SLC4A3: variants seen among roughly 807,000 people sequenced by gnomAD.
SLC4A3 encodes solute carrier family 4 member 3.
SLC4A3 carries 47 observed loss-of-function variants against 114.2 expected under a neutral mutation model. The ratio of observed to expected loss-of-function variants is 0.41; its 90% CI spans 0.33 to 0.52. The LOEUF is 0.52. Ranked by LOEUF, SLC4A3 falls within the 20% of genes least tolerant of loss-of-function variation. The pLI, the probability that SLC4A3 is intolerant of heterozygous loss-of-function variation, is 0.21. For synonymous variants in SLC4A3, 693 were observed against 710.3 expected (o/e 0.98, Z 0.39); for missense variants, 1,312 against 1,668.3 (o/e 0.79, Z 3.72).
At position 219,629,601 on chromosome 2, in the gene SLC4A3, G is replaced by C; in HGVS notation, c.517G>C (p.Asp173His). The change falls in exon 5 of 23, where the codon GAT (aspartate) becomes CAT (histidine). Residue 173 changes from aspartate (D) to histidine (H), a missense_variant. Transcript: ENST00000358055. ...GCAGTTCTCCATTGGAAGTGACGAG[G>C]ATGACAGTCCAGGCCTCCCTGGGAG... ...KAKFSIGSDE[D>H]DSPGLPGRAA... is the part of the protein sequence containing the mutation. The C allele has an allele frequency of 6.2e-7, 1 of 1,613,180 alleles. No individual in the cohort carries two copies. The highest frequency in any genetic ancestry group is 8.5e-7 in the Non-Finnish European group (1 of 1,179,622).
chr2:219,629,660 C>G lies in SLC4A3; in HGVS notation c.576C>G (p.Gly192=), dbSNP rs371833542. 1 of 1,612,882 alleles carries G rather than the reference C, an allele frequency of 6.2e-7. No individual in the cohort carries two copies. The highest frequency in any genetic ancestry group is 8.5e-7 in the Non-Finnish European group (1 of 1,179,542). Residue 192 remains glycine (G), a synonymous_variant, in exon 5 of 23, where the codon GGC becomes GGG. Transcript: ENST00000358055. Reference sequence around the variant, plus strand: ...TCACCAAGCCCCTGCCCTCGGTGGGCCCACACACTGACAAGAGCCCCCAGC... The same window carrying G: ...TCACCAAGCCCCTGCCCTCGGTGGGGCCACACACTGACAAGAGCCCCCAGC... ...AAVTKPLPSV[G]PHTDKSPQHS...
rs372408680 is a variant in SLC4A3, at chr2:219,630,390, C to T, written c.811+38C>T. 15 of 1,557,748 alleles carry T rather than the reference C, an allele frequency of 9.6e-6. No homozygotes were observed. Among genetic ancestry groups the T allele is most frequent in the East Asian group, 6.8e-5 (3 of 44,206 alleles). On this transcript the variant is annotated intron_variant, in intron 6 of 22. Coordinates refer to ENST00000358055, the MANE Select transcript of SLC4A3 (RefSeq NM_005070.4). This position sits in a 1 kb window ranked among gnomAD's most constrained non-coding sequence, Gnocchi z 6.9. ...TTGTGGCAGCCCCCATGGTCCACTG[C>T]GACGGACTCCCAGCCTGCGAGTGAC...
Position 219,628,527 on chromosome 2 carries a change from C to T in SLC4A3, c.174C>T (p.Asp58=). 1.2e-6 allele frequency: 2 copies of T among 1,613,506 alleles called. No individual in the cohort carries two copies. Reference sequence around the variant, plus strand: ...TCATCAGCAAGCCCCCGGCCTGGGACCCCGAGAAGCCCAGCCGCAGCTACA... The same window carrying T: ...TCATCAGCAAGCCCCCGGCCTGGGATCCCGAGAAGCCCAGCCGCAGCTACA... The part of the protein sequence containing the change: ...GDLISKPPAW[D]PEKPSRSYSE... Residue 58 remains aspartate, a synonymous_variant, in exon 3 of 23, where the codon GAC becomes GAT. Coordinates refer to ENST00000358055, the MANE Select transcript of SLC4A3 (RefSeq NM_005070.4). The surrounding 1 kb of genome is among the most constrained non-coding windows in gnomAD (Gnocchi z 4.8).
At position 219,631,879 on chromosome 2, in the gene SLC4A3, A is replaced by G; in HGVS notation, c.812-89A>G. ...CCTGTTGGTGACTGTAGAGCTCACC[A>G]AGTAGATGGGTTGGGCAGAAGGAGC... On this transcript the variant is annotated intron_variant, in intron 6 of 22. Coordinates refer to ENST00000358055, the MANE Select transcript of SLC4A3 (RefSeq NM_005070.4). The surrounding 1 kb of genome is among the most constrained non-coding windows in gnomAD (Gnocchi z 6.3). 4 of 1,422,416 alleles carry G rather than the reference A, an allele frequency of 2.8e-6. No individual in the cohort carries two copies. The highest frequency in any genetic ancestry group is 3.8e-6 in the Non-Finnish European group (4 of 1,049,296). The allele number at this position is 1,422,416 out of a possible 1,614,324, so 88.1% of individuals were successfully genotyped here.
In SLC4A3 at chr2:219,641,964, G is replaced by A. The variant is rs1395691487; in HGVS notation, c.*236G>A. The A allele has an allele frequency of 9.0e-6, 4 of 443,066 alleles. No homozygotes were observed. In the East Asian group the frequency reaches 1.4e-4, roughly 16 times the overall value. 27.4% of individuals were successfully genotyped at this position (443,066 alleles called of 1,614,324 possible). On this transcript the variant is annotated 3_prime_UTR_variant, in exon 23 of 23. Transcript: ENST00000358055. The surrounding 1 kb of genome is among the most constrained non-coding windows in gnomAD (Gnocchi z 4.0). Reference sequence around the variant, plus strand: ...TGAGCTCATTATAACCACACTCCTTGTCTCGTGTCTGCCTCACTTTCTTGG... The same window carrying A: ...TGAGCTCATTATAACCACACTCCTTATCTCGTGTCTGCCTCACTTTCTTGG...
At chr2:219,633,542 G>A in intron 10 of SLC4A3, 85 bp downstream of exon 10, 12 of 1,223,030 alleles carry the variant, frequency 9.8e-6, no homozygotes, top group South Asian at 3.4e-5. Context: ...CACTGAGTGG[G>A]TTGGGAAGGT....
chr2:219,629,316 G>A lies in SLC4A3; in HGVS notation c.390G>A (p.Gly130=). ...GGACCCCTCCCATCCAGGAGGAGGG[G>A]GGAGCTGGAGTGGATGAGGAAGAGG... is the stretch of plus-strand genomic sequence containing the variant. ...SEGTPPIQEE[G]GAGVDEEEEE... The change falls in exon 4 of 23, where the codon GGG becomes GGA. Residue 130 remains glycine, a synonymous_variant. Coordinates refer to ENST00000358055, the MANE Select transcript of SLC4A3 (RefSeq NM_005070.4). 2 of 1,613,318 alleles carry A rather than the reference G, an allele frequency of 1.2e-6. No individual in the cohort carries two copies. Among genetic ancestry groups the A allele is most frequent in the South Asian group, 2.2e-5 (2 of 90,980 alleles).
chr2:219,628,627 C>A lies in SLC4A3; in HGVS notation c.217+57C>A. On this transcript the variant is annotated intron_variant, in intron 3 of 22. Transcript: ENST00000358055. The surrounding 1 kb of genome is among the most constrained non-coding windows in gnomAD (Gnocchi z 4.8). ...CCCTCGCCACCATCACCTTCATCGC[C>A]ACCATCACCGCGCTCACCTCCGGCT... is the stretch of plus-strand genomic sequence containing the variant. 1 of 1,563,400 alleles carries A rather than the reference C, an allele frequency of 6.4e-7. No homozygotes were observed. The highest frequency in any genetic ancestry group is 8.8e-7 in the Non-Finnish European group (1 of 1,141,774).
At chr2:219,640,181 G>A (rs1342079631) in intron 20 of SLC4A3, among the ~76,000 whole-genome samples, 7 of 151,696 alleles carry the variant, frequency 4.6e-5, no homozygotes, top group African/African-American at 9.7e-5. Flanking sequence ...CACCCACCTC[G>A]GCCTCCCAAA....
At chr2:219,634,108 C>A in intron 11 of SLC4A3, 129 bp downstream of exon 11, 6 of 1,116,390 alleles carry the variant, frequency 5.4e-6, no homozygotes, top group Non-Finnish European at 6.2e-6. Context: ...CTGGTCCCTG[C>A]TCTTCCTCAC....
rs1559196505 is a variant in SLC4A3 at position 219,629,260 on chromosome 2, A to G, written c.334A>G (p.Lys112Glu). Residue 112 changes from lysine (K) to glutamate (E), a missense_variant, in exon 4 of 23, where the codon AAG becomes GAG. Physicochemically the swap from Lys to Glu is moderately conservative, Grantham distance 56 (BLOSUM62 1). This residue lies in a region of SLC4A3 where 236 missense variants were observed against 212.1 expected (regional missense o/e 1.11). Coordinates refer to ENST00000358055, the MANE Select transcript of SLC4A3 (RefSeq NM_005070.4). ...CCGGCACACCAGGAGAAAGAGGAAG[A>G]AGGAGAAAACCTCTGCTCCTCCCTC... The part of the protein sequence containing the change: ...SARHTRRKRK[K>E]EKTSAPPSEG... 2 of 1,613,880 alleles carry G rather than the reference A, an allele frequency of 1.2e-6. No individual in the cohort carries two copies. Among genetic ancestry groups the G allele is most frequent in the East Asian group, 2.2e-5 (1 of 44,862 alleles).
chr2:219,640,494 C>T lies in SLC4A3; in HGVS notation c.3342C>T (p.Phe1114=). The T allele has an allele frequency of 1.9e-6, 3 of 1,614,160 alleles. No individual in the cohort carries two copies. Among genetic ancestry groups the T allele is most frequent in the South Asian group, 1.1e-5 (1 of 91,082 alleles). The change falls in exon 21 of 23, where the codon TTC becomes TTT. Residue 1114 remains phenylalanine, a synonymous_variant. Transcript: ENST00000358055. The part of the protein sequence containing the change: ...RIPLAVLFGI[F]LYMGVTSLSG... Reference sequence around the variant, plus strand: ...CATTGGCTGTGCTCTTTGGGATCTTCCTGTACATGGGGGTCACGTCCCTGT... The same window carrying T: ...CATTGGCTGTGCTCTTTGGGATCTTTCTGTACATGGGGGTCACGTCCCTGT...
At position 219,639,660 on chromosome 2, in the gene SLC4A3, G is replaced by A; in HGVS notation, c.3202G>A (p.Ala1068Thr). The change falls in exon 20 of 23, where the codon GCG becomes ACG. Residue 1068 changes from alanine to threonine, a missense_variant. Ala to Thr is a moderately conservative substitution (Grantham distance 58, BLOSUM62 0). Around this residue, in one of 4 missense-constraint regions of SLC4A3, gnomAD observed 301 missense variants for 460.7 expected, o/e 0.65. Coordinates refer to ENST00000358055, the MANE Select transcript of SLC4A3 (RefSeq NM_005070.4). This position sits in a 1 kb window ranked among gnomAD's most constrained non-coding sequence, Gnocchi z 5.9. ...NALTVMRTAI[A>T]PGDKPQIQEV... ...GTTGACAGTGATGCGTACTGCCATC[G>A]CGCCTGGTGACAAGCCCCAGATCCA... 1.2e-6 allele frequency: 2 copies of A among 1,613,110 alleles called. No individual in the cohort carries two copies. The highest frequency in any genetic ancestry group is 1.7e-6 in the Non-Finnish European group (2 of 1,180,018).
rs1699188589 is a variant in SLC4A3, at chr2:219,637,963, G to A, written c.2766+152G>A. 1.4e-6 allele frequency: 1 copy of A among 722,520 alleles called. No individual in the cohort carries two copies. The highest frequency in any genetic ancestry group is 2.4e-6 in the Non-Finnish European group (1 of 419,410). 44.8% of individuals were successfully genotyped at this position (722,520 alleles called of 1,614,324 possible). A position where few individuals can be genotyped will look rare whatever the true frequency, so the allele number is the denominator to read the frequency against. ...CCCTTCGGAAGCCTCTTCCCTGGGT[G>A]TCTTCTTGCCCTTTGCTCAGAGAAG... On this transcript the variant is annotated intron_variant, in intron 17 of 22. Coordinates refer to ENST00000358055, the MANE Select transcript of SLC4A3 (RefSeq NM_005070.4). The surrounding 1 kb of genome is among the most constrained non-coding windows in gnomAD (Gnocchi z 4.6).
rs1451409331 is a variant in SLC4A3, at chr2:219,637,785, A to C, written c.2740A>C (p.Arg914=). 3 of 1,613,770 alleles carry C rather than the reference A, an allele frequency of 1.9e-6. No homozygotes were observed. The highest frequency in any genetic ancestry group is 2.2e-5 in the East Asian group (1 of 44,876). The part of the protein sequence containing the change: ...FFIAFFLRKF[R]NSRFLGGKAR... ...CATAGCCTTCTTCCTGCGCAAGTTCAGGAACAGCCGCTTCCTGGGGGGCAA... is the reference window on the plus strand; with the variant it reads ...CATAGCCTTCTTCCTGCGCAAGTTCCGGAACAGCCGCTTCCTGGGGGGCAA... The change falls in exon 17 of 23, where the codon AGG becomes CGG. Residue 914 remains arginine, a synonymous_variant. Coordinates refer to ENST00000358055, the MANE Select transcript of SLC4A3 (RefSeq NM_005070.4). This position sits in a 1 kb window ranked among gnomAD's most constrained non-coding sequence, Gnocchi z 4.6.
chr2:219,634,673 C>T lies in SLC4A3; in HGVS notation c.1746+69C>T, dbSNP rs537856957. The T allele has an allele frequency of 2.0e-6, 3 of 1,511,806 alleles. No individual in the cohort carries two copies. In the Admixed American group the frequency reaches 5.7e-5, roughly 29 times the overall value. The allele number at this position is 1,511,806 out of a possible 1,614,324, so 93.6% of individuals were successfully genotyped here. ...GCTTACCCCTGTCCCTCATTGTCCA[C>T]AGTGGTGCCCATAGAGGCAAGGGTG... On this transcript the variant is annotated intron_variant, in intron 12 of 22. Transcript: ENST00000358055.
Position 219,629,331 on chromosome 2 carries a change from TGAGGAAGAG to T in SLC4A3, c.426_434del (p.Glu143_Glu145del), listed in dbSNP as rs763152248. On this transcript the variant is annotated inframe_deletion, in exon 4 of 23. Transcript: ENST00000358055. ...AGGAGGAGGGGGGAGCTGGAGTGGA[TGAGGAAGAG>T]GAGGAAGAGGAGGAAGAGGAAGGAG... 1,528 of 1,610,974 alleles carry T rather than the reference TGAGGAAGAG, an allele frequency of 9.5e-4. 2 individuals carry two copies. The highest frequency in any genetic ancestry group is 1.1e-3 in the Admixed American group (65 of 59,642).
At chr2:219,635,928 C>A in intron 14 of SLC4A3, 37 bp downstream of exon 14, 1 of 1,422,228 alleles carries the variant, frequency 7.0e-7, no homozygotes, top group East Asian at 2.4e-5. Flanking sequence ...AGGGGCTCCT[C>A]TAGTCACTTC....
rs34803760 is a variant in SLC4A3, at chr2:219,630,309, G to A, written c.768G>A (p.Ala256=). ...AGCAGCAGGTGCCCACAGATGAGGC[G>A]GAGGCCCAGATGCTGGGTTCTGCAG... is the stretch of plus-strand genomic sequence containing the variant. ...GPEQQVPTDE[A]EAQMLGSADL... is the part of the protein sequence containing the mutation. The change falls in exon 6 of 23, where the codon GCG becomes GCA. Residue 256 remains alanine, a synonymous_variant. Transcript: ENST00000358055. This position sits in a 1 kb window ranked among gnomAD's most constrained non-coding sequence, Gnocchi z 6.9. 24 of 1,612,306 alleles carry A rather than the reference G, an allele frequency of 1.5e-5. No individual in the cohort carries two copies. The highest frequency in any genetic ancestry group is 6.6e-5 in the South Asian group (6 of 91,038).
Sources: allele counts gnomAD v4.1 joint callset (sites outside exome capture counted in the v4.1 genomes callset), GRCh38; gene constraint gnomAD v4.1.1; regional missense constraint gnomAD v4.1.1; non-coding constraint Gnocchi (gnomAD v3.1); transcripts MANE v1.5; gene names NCBI Gene and HGNC (gene_info 2026-07-23, HGNC 2026-07-21).